Variants in LDLRAD4 observed in about 807,000 individuals in gnomAD.
The protein encoded by LDLRAD4 is low-density lipoprotein receptor class A domain-containing protein 4.
LDLRAD4 carries 5 observed loss-of-function variants against 17.0 expected under a neutral mutation model. The ratio of observed to expected loss-of-function variants is 0.29; its 90% confidence interval spans 0.15 to 0.62. The LOEUF is 0.62. Ranked by LOEUF, LDLRAD4 falls within the 20% of genes least tolerant of loss-of-function variation. The pLI is 0.84. For synonymous variants in LDLRAD4, 168 were observed against 171.8 expected (o/e 0.98, Z 0.17); for missense variants, 340 against 424.7 (o/e 0.80, Z 1.75).
At chr18:13,513,178 G>A (rs1164885052) in intron 3 of LDLRAD4, among the ~76,000 whole-genome samples, 1 of 152,166 alleles carries the variant, frequency 6.6e-6, no homozygotes, top group African/African-American at 2.4e-5. Context: ...GTTCTGGGTG[G>A]CACTTGCCCC....
In LDLRAD4 at chr18:13,454,486, C is replaced by A. The variant is rs555483840; in HGVS notation, c.181+16102C>A. Among the ~76,000 whole-genome samples, 5 of 152,304 alleles carry A rather than the reference C, an allele frequency of 3.3e-5. No homozygotes were observed. The South Asian group carries it at 1.0e-3, about 32-fold the overall frequency. The stretch of plus-strand genomic sequence containing the variant: ...GACTCCATTCTCTTCATCATCTTTG[C>A]CCTTATTACTAGCCAGGCACCTCAC... On this transcript the variant is annotated intron_variant, in intron 3 of 5. Transcript: ENST00000359446.
chr18:13,455,231 C>G (rs1263604591), intron 3 of LDLRAD4, among the ~76,000 whole-genome samples: 1 of 141,772 alleles, frequency 7.1e-6, no homozygotes. Flanking sequence ...CTGGGGTTTC[C>G]AGGCTTTTTG....
chr18:13,475,456 G>A (rs897956747), intron 3 of LDLRAD4, among the ~76,000 whole-genome samples: 3 of 132,576 alleles, frequency 2.3e-5, no homozygotes, highest in African/African-American at 5.4e-5. Context: ...TGTAAAGACA[G>A]GTTCTTGCTG....
At chr18:13,523,553 T>A (rs2093985294) in intron 3 of LDLRAD4, among the ~76,000 whole-genome samples, 1 of 152,130 alleles carries the variant, frequency 6.6e-6, no homozygotes, top group African/African-American at 2.4e-5. Context: ...GACGGCTCAG[T>A]ATTGTTCTGA....
intron 3 of LDLRAD4, among the ~76,000 whole-genome samples, chr18:13,603,306 C>CT (rs2095185427): frequency 2.0e-5 from 3 of 152,112 alleles, no homozygotes; most frequent in Non-Finnish European, 4.4e-5. Context: ...CCAGAGCTTC[C>CT]TAGCTTCCCT....
At position 13,399,567 on chromosome 18, in the gene LDLRAD4, C is replaced by T. The variant is rs111729926; in HGVS notation, c.40+11805C>T. On this transcript the variant is annotated intron_variant, in intron 2 of 5. Transcript: ENST00000359446. The stretch of plus-strand genomic sequence containing the variant: ...ATGGCAACAGGCAGTTGTTAGCCAT[C>T]GACTCACTTTATTGACCAAACTTGG... Among the ~76,000 whole-genome samples the T allele has an allele frequency of 2.6e-3, 398 of 152,336 alleles. 2 individuals are homozygous for T. The highest frequency in any genetic ancestry group is 9.0e-3 in the African/African-American group (374 of 41,562).
chr18:13,429,253 A>C (rs59507483), intron 2 of LDLRAD4, among the ~76,000 whole-genome samples: 1 of 152,122 alleles, frequency 6.6e-6, no homozygotes, highest in African/African-American at 2.4e-5. Context: ...GTGTTGGTGC[A>C]GTGATGGGCC....
At chr18:13,618,211 T>G (rs1007480926) in intron 3 of LDLRAD4, among the ~76,000 whole-genome samples, 1 of 152,160 alleles carries the variant, frequency 6.6e-6, no homozygotes, top group African/African-American at 2.4e-5. Flanking sequence ...AAACAAGATA[T>G]TTGCACATCG....
chr18:13,426,410 G>A (rs901108873), intron 2 of LDLRAD4, among the ~76,000 whole-genome samples: 3 of 152,184 alleles, frequency 2.0e-5, no homozygotes, highest in African/African-American at 7.2e-5. Flanking sequence ...ATTCTGGCCT[G>A]GCATAGGTTG....
At chr18:13,459,231 C>T (rs185451148) in intron 3 of LDLRAD4, among the ~76,000 whole-genome samples, 225 of 146,720 alleles carry the variant, frequency 1.5e-3, no homozygotes, top group Non-Finnish European at 2.7e-3. Context: ...CCAGCTACTC[C>T]GGAGGCTGAG....
chr18:13,473,853 C>T (rs1449187146), intron 3 of LDLRAD4, among the ~76,000 whole-genome samples: 1 of 151,592 alleles, frequency 6.6e-6, no homozygotes, highest in Non-Finnish European at 1.5e-5. Flanking sequence ...TAACCCCAGA[C>T]AAATAGGACC....
At chr18:13,273,273 C>T (rs1032786819), upstream of LDLRAD4, among the ~76,000 whole-genome samples, 3 of 152,118 alleles carry the variant, frequency 2.0e-5, no homozygotes, top group African/African-American at 7.2e-5. Flanking sequence ...TGAGATGGCT[C>T]TTCACTCTGT....
intron 1 of LDLRAD4, among the ~76,000 whole-genome samples, chr18:13,243,796 A>G (rs2042800172): frequency 6.8e-6 from 1 of 146,874 alleles, no homozygotes; most frequent in Non-Finnish European, 1.5e-5. Context: ...CCATCCATCT[A>G]TCATCTCCCC....
At chr18:13,263,204 A>T (rs2044010250) in intron 1 of LDLRAD4, among the ~76,000 whole-genome samples, 1 of 136,278 alleles carries the variant, frequency 7.3e-6, no homozygotes, top group Non-Finnish European at 1.5e-5. Context: ...GTGGAAACTG[A>T]GTCCCGTGTG....
At chr18:13,610,437 G>A (rs2039435182) in intron 3 of LDLRAD4, among the ~76,000 whole-genome samples, 1 of 151,642 alleles carries the variant, frequency 6.6e-6, no homozygotes, top group African/African-American at 2.4e-5. Context: ...ACAGGCGTGT[G>A]CCACCACACC....
At chr18:13,560,575 C>A (rs184173263) in intron 3 of LDLRAD4, among the ~76,000 whole-genome samples, 60 of 152,282 alleles carry the variant, frequency 3.9e-4, no homozygotes, top group Non-Finnish European at 6.8e-4. Flanking sequence ...CTTCATAACG[C>A]CAAAGTGGCA....
At chr18:13,280,793 A>G (rs1371337288) in intron 1 of LDLRAD4, among the ~76,000 whole-genome samples, 2 of 152,218 alleles carry the variant, frequency 1.3e-5, no homozygotes, top group African/African-American at 4.8e-5. Flanking sequence ...ATCTGAAGGC[A>G]CCGGTGCAGA....
intron 1 of LDLRAD4, among the ~76,000 whole-genome samples, chr18:13,264,265 C>T (rs1422031038): frequency 5.9e-5 from 9 of 152,354 alleles, no homozygotes; most frequent in Non-Finnish European, 8.8e-5. Flanking sequence ...GGCTGCTTTA[C>T]GTCAACGGCC....
intron 2 of LDLRAD4, among the ~76,000 whole-genome samples, chr18:13,432,755 T>C (rs1330860584): frequency 6.6e-6 from 1 of 152,250 alleles, no homozygotes; most frequent in African/African-American, 2.4e-5. Flanking sequence ...CTGGCTCTGT[T>C]GCCCAGGCTG....
Sources: allele counts gnomAD v4.1 joint callset (sites outside exome capture counted in the v4.1 genomes callset), GRCh38; gene constraint gnomAD v4.1.1; transcripts MANE v1.5; gene names NCBI Gene and HGNC (gene_info 2026-07-23, HGNC 2026-07-21).